The following PDSS2 variants were observed in gnomAD, a reference collection of about 807,000 sequenced individuals.
The protein encoded by PDSS2 is decaprenyl diphosphate synthase subunit 2, also known as all trans-polyprenyl-diphosphate synthase PDSS2.
Under a neutral mutation model 44.5 loss-of-function variants are expected in PDSS2, and 31 were observed. That is an observed-to-expected ratio of 0.70 (90% confidence interval 0.52 to 0.94). The LOEUF (loss-of-function observed/expected upper bound fraction) is 0.94, where lower values mean the gene tolerates loss of function less well. Among genes scored for constraint, PDSS2 ranks in the 40% least tolerant of loss-of-function variants. The pLI is 0.00. For synonymous variants in PDSS2, 157 were observed against 180.3 expected (o/e 0.87, Z 1.03); for missense variants, 452 against 482.2 (o/e 0.94, Z 0.59).
At chr6:107,348,963 T>C (rs932622394) in intron 1 of PDSS2, among the ~76,000 whole-genome samples, 1 of 152,172 alleles carries the variant, frequency 6.6e-6, no homozygotes, top group African/African-American at 2.4e-5. Context: ...AGAGCCATGA[T>C]TTTAACCCAG....
intron 2 of PDSS2, among the ~76,000 whole-genome samples, chr6:107,325,809 T>C (rs1358601362): frequency 6.6e-6 from 1 of 152,246 alleles, no homozygotes; most frequent in East Asian, 1.9e-4. Context: ...ACTTGGCTTT[T>C]GGTCATGTAT....
At chr6:107,349,364 C>T (rs1254791910) in intron 1 of PDSS2, among the ~76,000 whole-genome samples, 1 of 150,900 alleles carries the variant, frequency 6.6e-6, no homozygotes, top group East Asian at 2.0e-4. Flanking sequence ...ACCTGGGAGG[C>T]GGAGCTCGTA....
chr6:107,163,972 G>A (rs781989913), intron 7 of PDSS2, among the ~76,000 whole-genome samples: 5 of 152,082 alleles, frequency 3.3e-5, no homozygotes, highest in Admixed American at 2.0e-4. Context: ...TTGCCTGGCC[G>A]TAAGACTCAT....
chr6:107,318,822 A>C (rs1456648971), intron 2 of PDSS2, among the ~76,000 whole-genome samples: 2 of 152,080 alleles, frequency 1.3e-5, no homozygotes, highest in Non-Finnish European at 2.9e-5. Context: ...CCCCATCTCT[A>C]CTAAAAACAC....
At chr6:107,271,657 T>A (rs955741958) in intron 3 of PDSS2, among the ~76,000 whole-genome samples, 14 of 152,174 alleles carry the variant, frequency 9.2e-5, no homozygotes, top group African/African-American at 3.1e-4. Flanking sequence ...TTTACTGTAT[T>A]AGCAATTGCC....
At chr6:107,287,481 T>C (rs978248001) in intron 2 of PDSS2, among the ~76,000 whole-genome samples, 14 of 152,048 alleles carry the variant, frequency 9.2e-5, no homozygotes, top group Non-Finnish European at 1.6e-4. Flanking sequence ...TGAAACAGCA[T>C]AATTTTATAT....
chr6:107,299,768 T>C (rs1038211547), intron 2 of PDSS2, among the ~76,000 whole-genome samples: 3 of 152,306 alleles, frequency 2.0e-5, no homozygotes, highest in Admixed American at 6.5e-5. Flanking sequence ...ACTCTTTGCA[T>C]GCAAGCAAAT....
intron 2 of PDSS2, among the ~76,000 whole-genome samples, chr6:107,313,254 AT>A (rs1343177810): frequency 2.0e-5 from 3 of 152,242 alleles, no homozygotes; most frequent in African/African-American, 7.2e-5. Context: ...TTCAGAATAT[AT>A]TACAATTACA....
intron 2 of PDSS2, among the ~76,000 whole-genome samples, chr6:107,281,816 C>T (rs1162123311): frequency 6.6e-6 from 1 of 152,166 alleles, no homozygotes; most frequent in African/African-American, 2.4e-5. Context: ...CCCCTTCCCT[C>T]ACGACACTGT....
intron 4 of PDSS2, among the ~76,000 whole-genome samples, chr6:107,216,851 A>T (rs1007180335): frequency 6.6e-6 from 1 of 152,182 alleles, no homozygotes; most frequent in Admixed American, 6.5e-5. Context: ...CATGCTGTAA[A>T]ATCTCAGAAA....
rs144172582 is a variant in PDSS2, at chr6:107,235,445, T to G, written c.702+10103A>C. Among the ~76,000 whole-genome samples, 416 of 152,258 alleles carry G rather than the reference T, an allele frequency of 2.7e-3. 3 individuals are homozygous for G. The highest frequency in any genetic ancestry group is 8.9e-3 in the African/African-American group (371 of 41,562). ...AATTCATAGGGCATCAGTAAAGAAC[T>G]CAGAAAGGTCTCGCTTTAATAGTGA... On this transcript the variant is annotated intron_variant, in intron 4 of 7. Coordinates refer to ENST00000369037, the MANE Select transcript of PDSS2 (RefSeq NM_020381.4).
intron 1 of PDSS2, among the ~76,000 whole-genome samples, chr6:107,359,574 A>G (rs1385403193): frequency 2.0e-5 from 3 of 150,322 alleles, no homozygotes; most frequent in Non-Finnish European, 3.0e-5. Flanking sequence ...CAGTGACCTG[A>G]GATTGTGCCA....
At chr6:107,234,396 C>G (rs922431051) in intron 4 of PDSS2, among the ~76,000 whole-genome samples, 1 of 151,730 alleles carries the variant, frequency 6.6e-6, no homozygotes, top group South Asian at 2.1e-4. Context: ...GTAGCGACGG[C>G]GTTTCACCAT....
chr6:107,313,982 T>C (rs1346372004), intron 2 of PDSS2, among the ~76,000 whole-genome samples: 2 of 151,918 alleles, frequency 1.3e-5, no homozygotes, highest in South Asian at 4.1e-4. Flanking sequence ...AAGATCCTGT[T>C]CTGCGCATGA....
chr6:107,421,988 C>T (rs532633485), intron 1 of PDSS2, among the ~76,000 whole-genome samples: 40 of 150,700 alleles, frequency 2.7e-4, no homozygotes, highest in Middle Eastern at 3.4e-3. Flanking sequence ...AAAAGGACCT[C>T]TCTGTACAAT....
At chr6:107,328,758 C>T (rs1388577696) in intron 2 of PDSS2, among the ~76,000 whole-genome samples, 2 of 152,140 alleles carry the variant, frequency 1.3e-5, no homozygotes, top group Admixed American at 6.5e-5. Flanking sequence ...TACATAAATC[C>T]GTACCTAACT....
chr6:107,284,610 G>A (rs368650799), intron 2 of PDSS2, among the ~76,000 whole-genome samples: 4 of 149,312 alleles, frequency 2.7e-5, no homozygotes, highest in Admixed American at 1.3e-4. Context: ...ACAGTGAGCC[G>A]AGATGGCGCC....
chr6:107,160,128 A>C (rs747489258), intron 7 of PDSS2, among the ~76,000 whole-genome samples: 40 of 152,186 alleles, frequency 2.6e-4, no homozygotes, highest in Non-Finnish European at 5.6e-4. Flanking sequence ...AGGCAGGAGA[A>C]TTGCTTGAAC....
chr6:107,260,797 G>A (rs376682208), intron 3 of PDSS2, among the ~76,000 whole-genome samples: 1 of 151,394 alleles, frequency 6.6e-6, no homozygotes. Flanking sequence ...CCGAGTAGCT[G>A]GGACTACAGG....
Sources: allele counts gnomAD v4.1 joint callset (sites outside exome capture counted in the v4.1 genomes callset), GRCh38; gene constraint gnomAD v4.1.1; transcripts MANE v1.5; gene names NCBI Gene and HGNC (gene_info 2026-07-23, HGNC 2026-07-21).